AGR3: variants seen among roughly 807,000 people sequenced by gnomAD.
AGR3 encodes the protein anterior gradient protein 3.
In AGR3, 37 loss-of-function variants were observed where a neutral mutation model predicts 24.5. The observed-to-expected ratio is 1.51, with a 90% CI of 1.16 to 1.99. AGR3 has a LOEUF of 1.99. Ranked by LOEUF, AGR3 falls within the 30% of genes most tolerant of loss-of-function variation. The probability of loss-of-function intolerance (pLI) is 0.00; values close to 1 mark genes in which losing one functional copy is unlikely to be tolerated. For synonymous variants in AGR3, 75 were observed against 61.6 expected (o/e 1.22, Z -1.02); for missense variants, 228 against 191.1 (o/e 1.19, Z -1.14).
chr7:16,880,515 C>T lies in AGR3; in HGVS notation c.-28+1429G>A, dbSNP rs868425442. On this transcript the variant is annotated intron_variant, in intron 1 of 7. Coordinates refer to ENST00000310398, the MANE Select transcript of AGR3 (RefSeq NM_176813.5). ...TTCCCCTCCTTTCCCCTCCTCTTTC[C>T]CCTCCTCTCCCCTCCCCTCCCCTCC... 8.1e-5 allele frequency among the ~76,000 whole-genome samples: 5 copies of T among 61,820 alleles called. No individual in the cohort carries two copies. In the South Asian group the frequency reaches 2.1e-3, roughly 26 times the overall value. The allele number at this position is 61,820 out of a possible 152,430, so 40.6% of individuals were successfully genotyped here.
chr7:16,874,726 T>C (rs114941997), intron 2 of AGR3, among the ~76,000 whole-genome samples: 2,929 of 152,254 alleles, frequency 0.019, 88 homozygotes, highest in African/African-American at 0.067. Flanking sequence ...ATTTGATAAA[T>C]ATGATTCCAT....
At chr7:16,873,249 C>A (rs1038369852) in intron 3 of AGR3, among the ~76,000 whole-genome samples, 5 of 152,064 alleles carry the variant, frequency 3.3e-5, no homozygotes, top group Non-Finnish European at 5.9e-5. Flanking sequence ...TCACAGTGGA[C>A]TACTACCCAG....
At chr7:16,858,850 A>G (rs1398727292), downstream of AGR3, among the ~76,000 whole-genome samples, 1 of 152,238 alleles carries the variant, frequency 6.6e-6, no homozygotes, top group Non-Finnish European at 1.5e-5. Flanking sequence ...ACTGCACTCC[A>G]GCCTGGGCAA....
At chr7:16,863,223 G>C (rs745974368) in intron 3 of AGR3, among the ~76,000 whole-genome samples, 1 of 152,178 alleles carries the variant, frequency 6.6e-6, no homozygotes, top group African/African-American at 2.4e-5. Flanking sequence ...AATCAATTCT[G>C]TATCCAGAGA....
chr7:16,859,941 T>G lies in AGR3; in HGVS notation c.452-310A>C, dbSNP rs7793435. Among the ~76,000 whole-genome samples, 1,056 of 152,084 alleles carry G rather than the reference T, an allele frequency of 6.9e-3. 16 individuals are homozygous for G. The highest frequency in any genetic ancestry group is 0.024 in the African/African-American group (1,016 of 41,510). On this transcript the variant is annotated intron_variant, in intron 7 of 7. Coordinates refer to ENST00000310398, the MANE Select transcript of AGR3 (RefSeq NM_176813.5). ...ACAGGCACAGTTGTCTTATTAAATATAGTTGATAATGAATGTTGTAAAAAA... is the reference window on the plus strand; with the variant it reads ...ACAGGCACAGTTGTCTTATTAAATAGAGTTGATAATGAATGTTGTAAAAAA...
intron 2 of AGR3, among the ~76,000 whole-genome samples, chr7:16,877,654 G>A (rs1002821575): frequency 9.2e-5 from 14 of 151,926 alleles, no homozygotes; most frequent in Admixed American, 4.6e-4. Flanking sequence ...ACAAGGTCAG[G>A]AGATCGAGAC....
chr7:16,880,046 CTCCTTCCCTTCCCCTTCCTTCCTTCCCCT>C (rs1782074428), intron 1 of AGR3, among the ~76,000 whole-genome samples: 1 of 151,668 alleles, frequency 6.6e-6, no homozygotes, highest in Non-Finnish European at 1.5e-5. Flanking sequence ...TTGTCCCTCC[CTCCTTCCCTTCCCCTTCCTTCCTTCCCCT>C]TCCTTCTTTC....
chr7:16,858,653 C>T (rs568549266), downstream of AGR3, among the ~76,000 whole-genome samples: 46 of 152,140 alleles, frequency 3.0e-4, no homozygotes, highest in Non-Finnish European at 5.7e-4. Context: ...GGTAGATCAC[C>T]TGAGGTCAGG....
chr7:16,878,704 G>A lies in AGR3; in HGVS notation c.-27-59C>T. 3.8e-6 allele frequency: 5 copies of A among 1,321,016 alleles called. No individual in the cohort carries two copies. The South Asian group carries it at 6.1e-5, about 16-fold the overall frequency. The allele number at this position is 1,321,016 out of a possible 1,614,324, so 81.8% of individuals were successfully genotyped here. ...GAATTACTTCAAGCTATTATTAGAA[G>A]ATATTTGCTAAGAGTTGGACCAATA... On this transcript the variant is annotated intron_variant, in intron 1 of 7. Coordinates refer to ENST00000310398, the MANE Select transcript of AGR3 (RefSeq NM_176813.5).
At chr7:16,881,044 G>A (rs1294754427) in intron 1 of AGR3, among the ~76,000 whole-genome samples, 1 of 152,064 alleles carries the variant, frequency 6.6e-6, no homozygotes, top group African/African-American at 2.4e-5. Flanking sequence ...ATTCTTCCAG[G>A]GATCTTGGAT....
At chr7:16,880,512 TTCCCCTCCTCTCCCCTCCCCTCCCC>T (rs1307037923) in intron 1 of AGR3, among the ~76,000 whole-genome samples, 11 of 30,576 alleles carry the variant, frequency 3.6e-4, no homozygotes, top group African/African-American at 1.2e-3. Flanking sequence ...CCCCTCCTCT[TTCCCCTCCTCTCCCCTCCCCTCCCC>T]TCCCCTCCTC....
intron 3 of AGR3, chr7:16,865,105 T>C: frequency 8.0e-6 from 6 of 745,598 alleles, no homozygotes; most frequent in East Asian, 2.4e-5. Flanking sequence ...TATAAAATTT[T>C]CCCCAAAGCT....
At chr7:16,863,341 A>C (rs1583836589) in intron 3 of AGR3, among the ~76,000 whole-genome samples, 2 of 152,200 alleles carry the variant, frequency 1.3e-5, no homozygotes, top group African/African-American at 4.8e-5. Flanking sequence ...TTTTACAAAA[A>C]AGCTGTTAAT....
At chr7:16,881,862 C>T (rs1782124479) in intron 1 of AGR3, 82 bp downstream of exon 1, 1 of 463,910 alleles carries the variant, frequency 2.2e-6, no homozygotes, top group Non-Finnish European at 4.5e-6. Context: ...GAAAGCTTCA[C>T]TTTTAAATAG....
At chr7:16,868,980 T>TA (rs1340549853) in intron 3 of AGR3, among the ~76,000 whole-genome samples, 3 of 152,230 alleles carry the variant, frequency 2.0e-5, no homozygotes, top group Non-Finnish European at 2.9e-5. Flanking sequence ...TGATCTGTTC[T>TA]AAAAAATAAT....
rs1781926127 is a variant in AGR3 at position 16,873,607 on chromosome 7, T to C, written c.173+173A>G. The C allele has an allele frequency of 5.1e-6, 3 of 593,094 alleles. No homozygotes were observed. In the Admixed American group the frequency reaches 8.9e-5, roughly 18 times the overall value. 36.7% of individuals were successfully genotyped at this position (593,094 alleles called of 1,614,324 possible). ...AGCTAGTAGAGAGGATTTTGAGTGTTCCCACCAGAAAGAAATGATATGTTT... is the reference window on the plus strand; with the variant it reads ...AGCTAGTAGAGAGGATTTTGAGTGTCCCCACCAGAAAGAAATGATATGTTT... On this transcript the variant is annotated intron_variant, in intron 3 of 7. Coordinates refer to ENST00000310398, the MANE Select transcript of AGR3 (RefSeq NM_176813.5).
At chr7:16,865,895 G>C (rs1256011379) in intron 3 of AGR3, 1 of 717,032 alleles carries the variant, frequency 1.4e-6, no homozygotes, top group African/African-American at 1.8e-5. Context: ...ACATCCAGGA[G>C]GACCTGTTAT....
chr7:16,880,246 C>T (rs566512053), intron 1 of AGR3, among the ~76,000 whole-genome samples: 212 of 150,598 alleles, frequency 1.4e-3, no homozygotes, highest in African/African-American at 5.0e-3. Context: ...CTGCAACCTC[C>T]GCCTCCCAGG....
chr7:16,862,324 AC>A (rs968658415), intron 4 of AGR3, among the ~76,000 whole-genome samples: 1 of 152,190 alleles, frequency 6.6e-6, no homozygotes, highest in Non-Finnish European at 1.5e-5. Context: ...GGTTAAGACA[AC>A]GACTTTTTTT....
Sources: allele counts gnomAD v4.1 joint callset (sites outside exome capture counted in the v4.1 genomes callset), GRCh38; gene constraint gnomAD v4.1.1; transcripts MANE v1.5; gene names NCBI Gene and HGNC (gene_info 2026-07-23, HGNC 2026-07-21).